Variants in PRKN observed in about 807,000 individuals in gnomAD.
PRKN encodes E3 ubiquitin-protein ligase parkin.
PRKN carries 56 observed loss-of-function variants against 59.5 expected under a neutral mutation model. The observed-to-expected ratio is 0.94, with a 90% CI of 0.76 to 1.18. The LOEUF is 1.18. PRKN is among the 50% of genes most tolerant of loss of function. The pLI is 0.00. For missense variants in PRKN, 657 were observed against 596.4 expected (o/e 1.10, Z -1.06); for synonymous variants, 250 against 222.1 (o/e 1.13, Z -1.12).
At chr6:162,572,294 C>T (rs1780366829) in intron 1 of PRKN, among the ~76,000 whole-genome samples, 1 of 152,172 alleles carries the variant, frequency 6.6e-6, no homozygotes, top group East Asian at 1.9e-4. Context: ...TTTTACTCTA[C>T]ATGCTTCCAT....
chr6:161,561,355 C>G lies in PRKN; in HGVS notation c.933+8000G>C, dbSNP rs899808159. ...TTCCTAAGACCAATGTAGGTAGGAC[C>G]TGCCTCTCTCCAGCCATCCATACTT... On this transcript the variant is annotated intron_variant, in intron 8 of 11. Transcript: ENST00000366898. This position sits in a 1 kb window ranked among gnomAD's most constrained non-coding sequence, Gnocchi z 5.0. Among the ~76,000 whole-genome samples the G allele has an allele frequency of 6.6e-6, 1 of 152,104 alleles. No homozygotes were observed. The highest frequency in any genetic ancestry group is 1.9e-4 in the East Asian group (1 of 5,174).
intron 6 of PRKN, among the ~76,000 whole-genome samples, chr6:161,925,115 T>C (rs1778918646): frequency 6.6e-6 from 1 of 152,234 alleles, no homozygotes; most frequent in Admixed American, 6.5e-5. Flanking sequence ...TACAGGCTTA[T>C]GAATGAAAAT....
rs1304448511 is a variant in PRKN at position 161,582,069 on chromosome 6, TG to T, written c.872-12654del. The stretch of plus-strand genomic sequence containing the variant: ...CTCACCGTGCCCAGAGCTCCACGCA[TG>T]ACTGAATGGTGAATTTGGAATCATT... On this transcript the variant is annotated intron_variant, in intron 7 of 11. Coordinates refer to ENST00000366898, the MANE Select transcript of PRKN (RefSeq NM_004562.3). The surrounding 1 kb of genome is among the most constrained non-coding windows in gnomAD (Gnocchi z 4.4). 6.6e-6 allele frequency among the ~76,000 whole-genome samples: 1 copy of T among 152,206 alleles called. No individual in the cohort carries two copies. The highest frequency in any genetic ancestry group is 1.5e-5 in the Non-Finnish European group (1 of 68,032).
intron 10 of PRKN, among the ~76,000 whole-genome samples, chr6:161,367,739 G>A (rs930052583): frequency 2.6e-5 from 4 of 152,182 alleles, no homozygotes; most frequent in African/African-American, 9.6e-5. Flanking sequence ...GCGGCCGGCG[G>A]GTCCGAGACC....
At chr6:161,854,812 C>T (rs1218872767) in intron 6 of PRKN, among the ~76,000 whole-genome samples, 2 of 151,752 alleles carry the variant, frequency 1.3e-5, no homozygotes, top group Admixed American at 6.6e-5. Flanking sequence ...CGGCCGGGCG[C>T]GGTGGCTCAT....
At chr6:162,563,700 T>C (rs555886841) in intron 1 of PRKN, among the ~76,000 whole-genome samples, 21 of 152,264 alleles carry the variant, frequency 1.4e-4, no homozygotes, top group African/African-American at 1.9e-4. Flanking sequence ...CCTGGATAAA[T>C]AGAGCTATGT....
rs1339573278 is a variant in PRKN at position 161,577,257 on chromosome 6, C to T, written c.872-7841G>A. On this transcript the variant is annotated intron_variant, in intron 7 of 11. Transcript: ENST00000366898. ...ATCCCCATTTTAAAGATGGCGAAATCGAGGCAGAAAAAGAACTAAACTAAT... is the reference window on the plus strand; with the variant it reads ...ATCCCCATTTTAAAGATGGCGAAATTGAGGCAGAAAAAGAACTAAACTAAT... 4.6e-5 allele frequency among the ~76,000 whole-genome samples: 7 copies of T among 152,202 alleles called. No individual in the cohort carries two copies. In the East Asian group the frequency reaches 1.4e-3, roughly 29 times the overall value.
In PRKN at chr6:162,179,968, C is replaced by G. The variant is rs10563497; in HGVS notation, c.534+21163G>C. On this transcript the variant is annotated intron_variant, in intron 4 of 11. Transcript: ENST00000366898. The stretch of plus-strand genomic sequence containing the variant: ...GACAGTGCTTTTTGTTATCTTATTA[C>G]TGTGTGTGTGTGTGTGTGTGTGTGT... Among the ~76,000 whole-genome samples the G allele has an allele frequency of 6.2e-4, 87 of 139,780 alleles. 1 individual carries two copies. The highest frequency in any genetic ancestry group is 3.9e-3 in the Middle Eastern group (1 of 254). The allele number at this position is 139,780 out of a possible 152,430, so 91.7% of individuals were successfully genotyped here.
intron 2 of PRKN, among the ~76,000 whole-genome samples, chr6:162,310,504 G>A (rs996601347): frequency 2.2e-4 from 34 of 152,152 alleles, no homozygotes; most frequent in Admixed American, 1.6e-3. Flanking sequence ...CAGCCCTGCC[G>A]ACACCTTGTT....
At chr6:162,537,166 C>T (rs1331311426) in intron 1 of PRKN, among the ~76,000 whole-genome samples, 2 of 152,138 alleles carry the variant, frequency 1.3e-5, no homozygotes, top group African/African-American at 4.8e-5. Context: ...ATCACAGTCA[C>T]CTGGGGAGCT....
At chr6:162,393,152 A>ATTTTTTT (rs1369959830) in intron 2 of PRKN, among the ~76,000 whole-genome samples, 11 of 78,090 alleles carry the variant, frequency 1.4e-4, no homozygotes, top group African/African-American at 5.2e-4. Flanking sequence ...AGGATAGGAG[A>ATTTTTTT]TTCTTTTTTT....
chr6:161,943,861 G>A (rs769818555), intron 6 of PRKN, among the ~76,000 whole-genome samples: 1 of 48,960 alleles, frequency 2.0e-5, no homozygotes. Flanking sequence ...GCCTGAGGAA[G>A]CAGCCTGAGG....
At chr6:161,848,919 C>T (rs1052274607) in intron 6 of PRKN, among the ~76,000 whole-genome samples, 12 of 152,144 alleles carry the variant, frequency 7.9e-5, no homozygotes, top group African/African-American at 2.9e-4. Context: ...GACCCAGGAG[C>T]CTGCTTTTCT....
intron 1 of PRKN, among the ~76,000 whole-genome samples, chr6:162,586,171 G>C (rs992192814): frequency 6.6e-6 from 1 of 152,130 alleles, no homozygotes; most frequent in Non-Finnish European, 1.5e-5. Context: ...TGGGTAATAA[G>C]GGGAAAGTTG....
intron 6 of PRKN, among the ~76,000 whole-genome samples, chr6:161,788,657 C>G (rs1337453917): frequency 7.2e-6 from 1 of 138,682 alleles, no homozygotes; most frequent in Non-Finnish European, 1.5e-5. Flanking sequence ...AAGGGACTAG[C>G]ATTGGAAGTG....
intron 6 of PRKN, among the ~76,000 whole-genome samples, chr6:161,867,367 C>A (rs1034622318): frequency 2.6e-5 from 4 of 152,190 alleles, no homozygotes; most frequent in South Asian, 2.1e-4. Flanking sequence ...ATATAATTTT[C>A]ATGTATCACA....
chr6:161,864,934 G>C (rs1245006383), intron 6 of PRKN, among the ~76,000 whole-genome samples: 1 of 152,142 alleles, frequency 6.6e-6, no homozygotes, highest in African/African-American at 2.4e-5. Context: ...GATTACAGGC[G>C]TGAACCATCG....
chr6:161,753,497 CGAA>C (rs1788780153), intron 7 of PRKN, among the ~76,000 whole-genome samples: 1 of 152,120 alleles, frequency 6.6e-6, no homozygotes, highest in Non-Finnish European at 1.5e-5. Flanking sequence ...AGAAGCAGTA[CGAA>C]GAAGGATAAA....
chr6:162,107,118 A>G (rs1223458555), intron 4 of PRKN, among the ~76,000 whole-genome samples: 2 of 152,196 alleles, frequency 1.3e-5, no homozygotes, highest in African/African-American at 4.8e-5. Context: ...AGTTTCTCAC[A>G]ACCCCCATCA....
Sources: allele counts gnomAD v4.1 joint callset (sites outside exome capture counted in the v4.1 genomes callset), GRCh38; gene constraint gnomAD v4.1.1; non-coding constraint Gnocchi (gnomAD v3.1); transcripts MANE v1.5; gene names NCBI Gene and HGNC (gene_info 2026-07-23, HGNC 2026-07-21).